MARCHF10: variants seen among roughly 807,000 people sequenced by gnomAD.
MARCHF10 encodes the protein membrane associated ring-CH-type finger 10.
In MARCHF10, 64 loss-of-function variants were observed where a neutral mutation model predicts 76.2. That is an observed-to-expected ratio of 0.84 (90% CI 0.69 to 1.03). The LOEUF is 1.03. MARCHF10 is among the 50% of genes least tolerant of loss of function. MARCHF10 has a pLI of 0.00. For synonymous variants in MARCHF10, 340 were observed against 357.5 expected, an observed-to-expected ratio of 0.95 and a Z score of 0.55; for missense variants, 875 against 958.0, an observed-to-expected ratio of 0.91 and a Z score of 1.14.
At chr17:62,710,879 G>A (rs2089895604) in intron 9 of MARCHF10, among the ~76,000 whole-genome samples, 1 of 152,006 alleles carries the variant, frequency 6.6e-6, no homozygotes, top group Non-Finnish European at 1.5e-5. Context: ...CTTTTTCGCA[G>A]GTCCTCCATG....
At chr17:62,702,195 C>T (rs898791448) in intron 10 of MARCHF10, among the ~76,000 whole-genome samples, 3 of 151,130 alleles carry the variant, frequency 2.0e-5, no homozygotes, top group Admixed American at 1.3e-4. Flanking sequence ...AGTGATAGGA[C>T]GGGGAAAGGG....
At chr17:62,714,223 C>T (rs889784579) in intron 8 of MARCHF10, among the ~76,000 whole-genome samples, 2 of 152,164 alleles carry the variant, frequency 1.3e-5, no homozygotes, top group African/African-American at 4.8e-5. Context: ...GAGCAGGGGC[C>T]CCTGGAGTGC....
At chr17:62,796,068 C>A (rs2092980283) in intron 2 of MARCHF10, among the ~76,000 whole-genome samples, 1 of 151,222 alleles carries the variant, frequency 6.6e-6, no homozygotes. Context: ...GCAGTGGCGT[C>A]ATCTCGGCTC....
intron 4 of MARCHF10, chr17:62,746,965 C>A: frequency 1.3e-6 from 2 of 1,536,062 alleles, no homozygotes; most frequent in South Asian, 2.4e-5. Context: ...TCCACCAAGT[C>A]GGCTCTGACT....
rs937253804 is a variant in MARCHF10, at chr17:62,737,307, C to T, written c.561G>A (p.Leu187=). 4 of 1,610,390 alleles carry T rather than the reference C, an allele frequency of 2.5e-6. No homozygotes were observed. Among genetic ancestry groups the T allele is most frequent in the Admixed American group, 3.4e-5 (2 of 58,782 alleles). The part of the protein sequence containing the change: ...GADQVVQQEG[L]MCNTKLKRPN... ...GCCTCTTCAGCTTAGTGTTACACAT[C>T]AGGCCTTCTTGTTGAACTACTTGAT... is the stretch of plus-strand genomic sequence containing the variant. The change falls in exon 6 of 11, where the codon CTG becomes CTA. Residue 187 remains leucine, a synonymous_variant. Transcript: ENST00000311269.
At chr17:62,791,631 A>G (rs76987930) in intron 2 of MARCHF10, among the ~76,000 whole-genome samples, 4,675 of 152,318 alleles carry the variant, frequency 0.031, 93 homozygotes, top group Middle Eastern at 0.075. Flanking sequence ...TGACAGAGCC[A>G]AGCAATCTTT....
chr17:62,765,096 C>T (rs1478939926), intron 3 of MARCHF10, among the ~76,000 whole-genome samples: 1 of 152,134 alleles, frequency 6.6e-6, no homozygotes, highest in African/African-American at 2.4e-5. Flanking sequence ...CTTGTAATCC[C>T]AGCACTTTGG....
Position 62,711,073 on chromosome 17 carries a change from G to A in MARCHF10, c.2328+158C>T, listed in dbSNP as rs535638982. Among the ~76,000 whole-genome samples, 1 of 152,254 alleles carries A rather than the reference G, an allele frequency of 6.6e-6. No individual in the cohort carries two copies. The highest frequency in any genetic ancestry group is 2.4e-5 in the African/African-American group (1 of 41,558). On this transcript the variant is annotated intron_variant, in intron 9 of 10. Coordinates refer to ENST00000311269, the MANE Select transcript of MARCHF10 (RefSeq NM_152598.4). The surrounding 1 kb of genome is among the most constrained non-coding windows in gnomAD (Gnocchi z 4.4). ...TACTTTTCAGCCAGAGGGTCACCAT[G>A]TGTACACTTAGCAGCTGCTAAATCT...
chr17:62,789,419 C>T (rs901178714), intron 2 of MARCHF10, among the ~76,000 whole-genome samples: 9 of 152,210 alleles, frequency 5.9e-5, no homozygotes, highest in Non-Finnish European at 1.3e-4. Context: ...GCTGCTGTGG[C>T]CTTGCCTCTC....
intron 3 of MARCHF10, among the ~76,000 whole-genome samples, chr17:62,773,064 CG>C (rs1210272726): frequency 7.2e-5 from 11 of 151,984 alleles, no homozygotes; most frequent in African/African-American, 2.7e-4. Flanking sequence ...GTTCACCATG[CG>C]GCCAAAGAGG....
intron 5 of MARCHF10, among the ~76,000 whole-genome samples, chr17:62,740,531 T>C (rs1298968309): frequency 6.6e-6 from 1 of 152,014 alleles, no homozygotes; most frequent in Non-Finnish European, 1.5e-5. Context: ...AAAATAAAAA[T>C]CCCCCATAAT....
chr17:62,722,952 C>CTT (rs533155265), intron 7 of MARCHF10, among the ~76,000 whole-genome samples: 1 of 143,286 alleles, frequency 7.0e-6, no homozygotes, highest in African/African-American at 2.5e-5. Flanking sequence ...GACTATTCAG[C>CTT]TTTTTTTTTT....
rs1471280296 is a variant in MARCHF10 at position 62,712,655 on chromosome 17, A to AT, written c.2215-1312dup. Reference sequence around the variant, plus strand: ...CTCTGTCCTTAGCAGTTAGCCTCCTATTTTTAGCCTTTGGTCGTGTTTTTT... The same window carrying AT: ...CTCTGTCCTTAGCAGTTAGCCTCCTATTTTTTAGCCTTTGGTCGTGTTTTTT... On this transcript the variant is annotated intron_variant, in intron 8 of 10. Coordinates refer to ENST00000311269, the MANE Select transcript of MARCHF10 (RefSeq NM_152598.4). The surrounding 1 kb of genome is among the most constrained non-coding windows in gnomAD (Gnocchi z 4.2). Among the ~76,000 whole-genome samples the AT allele has an allele frequency of 2.0e-5, 3 of 152,120 alleles. No individual in the cohort carries two copies. Among genetic ancestry groups the AT allele is most frequent in the Non-Finnish European group, 4.4e-5 (3 of 68,012 alleles).
intron 2 of MARCHF10, among the ~76,000 whole-genome samples, chr17:62,796,027 CAG>C (rs1002703942): frequency 4.7e-5 from 7 of 149,626 alleles, no homozygotes; most frequent in Non-Finnish European, 1.0e-4. Flanking sequence ...TTTTTTGAGA[CAG>C]AGTCTTACTC....
At chr17:62,767,287 T>C (rs2092354354) in intron 3 of MARCHF10, among the ~76,000 whole-genome samples, 1 of 152,196 alleles carries the variant, frequency 6.6e-6, no homozygotes, top group African/African-American at 2.4e-5. Context: ...AAATAATCTC[T>C]TTGTGGTTTC....
chr17:62,719,082 C>G (rs1177272833), intron 8 of MARCHF10, among the ~76,000 whole-genome samples: 1 of 151,714 alleles, frequency 6.6e-6, no homozygotes, highest in Non-Finnish European at 1.5e-5. Flanking sequence ...AAACGTTGGC[C>G]AAAAAAAGGT....
At chr17:62,719,096 G>A (rs1012898021) in intron 8 of MARCHF10, among the ~76,000 whole-genome samples, 2 of 152,138 alleles carry the variant, frequency 1.3e-5, no homozygotes, top group African/African-American at 4.8e-5. Flanking sequence ...AAAAGGTCTG[G>A]TAAATATTAA....
chr17:62,788,044 A>G (rs948596749), intron 3 of MARCHF10, among the ~76,000 whole-genome samples: 2 of 152,200 alleles, frequency 1.3e-5, no homozygotes, highest in Non-Finnish European at 2.9e-5. Flanking sequence ...AGTTATTACC[A>G]CATTTTACTC....
intron 5 of MARCHF10, among the ~76,000 whole-genome samples, chr17:62,743,739 T>C (rs12453043): frequency 0.52 from 78,885 of 152,074 alleles, 21,492 homozygotes; most frequent in East Asian, 0.7. Flanking sequence ...AGAATGGGTC[T>C]ATGGCCAGGT....
Sources: allele counts gnomAD v4.1 joint callset (sites outside exome capture counted in the v4.1 genomes callset), GRCh38; gene constraint gnomAD v4.1.1; non-coding constraint Gnocchi (gnomAD v3.1); transcripts MANE v1.5; gene names NCBI Gene and HGNC (gene_info 2026-07-23, HGNC 2026-07-21).